DSCAML1: variants seen among roughly 807,000 people sequenced by gnomAD.
DSCAML1 encodes the protein DS cell adhesion molecule like 1.
In DSCAML1, 38 loss-of-function variants were observed where a neutral mutation model predicts 200.5. That is an observed-to-expected ratio of 0.19 (90% CI 0.15 to 0.25). The LOEUF (loss-of-function observed/expected upper bound fraction) is 0.25, where lower values mean the gene tolerates loss of function less well. DSCAML1 is among the 10% of genes least tolerant of loss of function. The probability of loss-of-function intolerance (pLI) is 1.00; values close to 1 mark genes in which losing one functional copy is unlikely to be tolerated. For missense variants in DSCAML1, 2,223 were observed against 2,858.8 expected, an observed-to-expected ratio of 0.78 and a Z score of 5.07; for synonymous variants, 1,215 against 1,165.0, an observed-to-expected ratio of 1.04 and a Z score of -0.87.
chr11:117,811,856 C>G (rs1167879393), intron 1 of DSCAML1, among the ~76,000 whole-genome samples: 1 of 152,172 alleles, frequency 6.6e-6, no homozygotes, highest in Non-Finnish European at 1.5e-5. Flanking sequence ...AATACGGAGG[C>G]TACCCACTCC....
intron 3 of DSCAML1, among the ~76,000 whole-genome samples, chr11:117,758,527 G>A (rs1173717528): frequency 7.9e-5 from 12 of 151,506 alleles, no homozygotes; most frequent in African/African-American, 1.7e-4. Context: ...TCAGCCTCCC[G>A]AGTAGCTGGG....
At chr11:117,582,992 ATATTAT>A (rs6144528) in intron 3 of DSCAML1, among the ~76,000 whole-genome samples, 8 of 145,152 alleles carry the variant, frequency 5.5e-5, no homozygotes, top group Non-Finnish European at 1.1e-4. Context: ...GGAGACAGGG[ATATTAT>A]TATTATTATT....
intron 19 of DSCAML1, among the ~76,000 whole-genome samples, chr11:117,457,782 C>T (rs906326578): frequency 3.9e-5 from 6 of 152,172 alleles, no homozygotes; most frequent in Non-Finnish European, 5.9e-5. Flanking sequence ...ATGTCAAACC[C>T]TTCCAGTGCC....
chr11:117,792,815 C>T (rs185057094), intron 1 of DSCAML1, among the ~76,000 whole-genome samples: 2 of 152,334 alleles, frequency 1.3e-5, no homozygotes, highest in African/African-American at 2.4e-5. Context: ...CAACCCACAT[C>T]CCAAGTTTGG....
rs756292633 is a variant in DSCAML1, at chr11:117,437,164, C to T, written c.4678G>A (p.Gly1560Ser). The change falls in exon 26 of 33, where the codon GGC (glycine) becomes AGC (serine). Residue 1560 changes from glycine to serine, a missense_variant. Gly to Ser is a moderately conservative substitution (Grantham distance 56). This residue lies in a region of DSCAML1 where 614 missense variants were observed against 739.1 expected (regional missense o/e 0.83). Coordinates refer to ENST00000651296, the MANE Select transcript of DSCAML1 (RefSeq NM_020693.4). This position sits in a 1 kb window ranked among gnomAD's most constrained non-coding sequence, Gnocchi z 5.3. ...GTGGCGAACTGGGCTGTTTCATTGC[C>T]GCAGCCCGCACTGTTGCAAGCCCTC... is the stretch of plus-strand genomic sequence containing the variant. ...RMRACNSAGC[G>S]NETAQFATLD... 2.6e-5 allele frequency: 42 copies of T among 1,613,994 alleles called. No individual in the cohort carries two copies. The highest frequency in any genetic ancestry group is 3.3e-5 in the Admixed American group (2 of 60,000).
rs1402573172 is a variant in DSCAML1, at chr11:117,439,483, G to A, written c.3981-54C>T. ...GTCATGTCAAGCACCCCTTCCTCCT[G>A]AGGCCCTCCCCCCGGTGTGTGACAA... On this transcript the variant is annotated intron_variant, in intron 22 of 32. Coordinates refer to ENST00000651296, the MANE Select transcript of DSCAML1 (RefSeq NM_020693.4). 1.9e-6 allele frequency: 3 copies of A among 1,580,074 alleles called. No homozygotes were observed. In the African/African-American group the frequency reaches 4.0e-5, roughly 21 times the overall value.
intron 4 of DSCAML1, among the ~76,000 whole-genome samples, chr11:117,529,829 G>C (rs111491366): frequency 9.9e-5 from 15 of 151,994 alleles, no homozygotes; most frequent in Middle Eastern, 3.2e-3. Context: ...GGGGAGGGGC[G>C]GGTGAGCCTG....
chr11:117,688,730 G>A (rs745972494), intron 3 of DSCAML1, among the ~76,000 whole-genome samples: 5 of 152,324 alleles, frequency 3.3e-5, no homozygotes, highest in Non-Finnish European at 5.9e-5. Flanking sequence ...AAGATACTTC[G>A]AAGAGGCTGA....
At chr11:117,439,125 C>T in intron 23 of DSCAML1, 141 bp downstream of exon 23, 1 of 1,367,292 alleles carries the variant, frequency 7.3e-7, no homozygotes, top group South Asian at 1.4e-5. Flanking sequence ...CCTCCCCTTC[C>T]ATGTGCACCT....
rs146626485 is a variant in DSCAML1 at position 117,749,845 on chromosome 11, T to C, written c.511+26946A>G. On this transcript the variant is annotated intron_variant, in intron 3 of 32. Transcript: ENST00000651296. Reference sequence around the variant, plus strand: ...AGCGGGGAGAGCTGGGAGCGGGACCTGTGTTAGAACAGACAACCTCCAGCC... The same window carrying C: ...AGCGGGGAGAGCTGGGAGCGGGACCCGTGTTAGAACAGACAACCTCCAGCC... 4.5e-3 allele frequency among the ~76,000 whole-genome samples: 680 copies of C among 152,370 alleles called. 4 individuals are homozygous for C. Among genetic ancestry groups the C allele is most frequent in the Non-Finnish European group, 8.2e-3 (561 of 68,032 alleles).
chr11:117,451,391 C>A (rs1168962493), intron 19 of DSCAML1, among the ~76,000 whole-genome samples: 3 of 152,182 alleles, frequency 2.0e-5, no homozygotes, highest in Non-Finnish European at 4.4e-5. Context: ...TACTTGTTTC[C>A]TTTCTAGAAA....
In DSCAML1 at chr11:117,476,913, G is replaced by A. The variant is rs189804512; in HGVS notation, c.2785+3530C>T. On this transcript the variant is annotated intron_variant, in intron 14 of 32. Coordinates refer to ENST00000651296, the MANE Select transcript of DSCAML1 (RefSeq NM_020693.4). ...CAGGATGGGTGTGGCCTGGGGCAGC[G>A]GGAAGTGGAGAAGGGAAGCAGAGAC... 2.7e-3 allele frequency among the ~76,000 whole-genome samples: 412 copies of A among 152,250 alleles called. 2 individuals carry two copies. The highest frequency in any genetic ancestry group is 2.9e-3 in the Non-Finnish European group (200 of 68,026).
At position 117,736,917 on chromosome 11, in the gene DSCAML1, G is replaced by A. The variant is rs564298979; in HGVS notation, c.511+39874C>T. Among the ~76,000 whole-genome samples, 8 of 152,180 alleles carry A rather than the reference G, an allele frequency of 5.3e-5. No individual in the cohort carries two copies. In the South Asian group the frequency reaches 1.2e-3, roughly 24 times the overall value. On this transcript the variant is annotated intron_variant, in intron 3 of 32. Coordinates refer to ENST00000651296, the MANE Select transcript of DSCAML1 (RefSeq NM_020693.4). ...GTGGGCAAGTTCTTTCTCATCCTTC[G>A]GCTCCCAGTTTCTGCTCTGTGAAGT...
rs542995387 is a variant in DSCAML1 at position 117,694,396 on chromosome 11, A to T, written c.511+82395T>A. On this transcript the variant is annotated intron_variant, in intron 3 of 32. Coordinates refer to ENST00000651296, the MANE Select transcript of DSCAML1 (RefSeq NM_020693.4). The stretch of plus-strand genomic sequence containing the variant: ...ACTCTAGCCTGGGCAACAGAGCTAG[A>T]CTCCATCTCAAAAGAAAAAAAAAAA... Among the ~76,000 whole-genome samples, 46 of 147,548 alleles carry T rather than the reference A, an allele frequency of 3.1e-4. No homozygotes were observed. In the East Asian group the frequency reaches 7.6e-3, roughly 24 times the overall value.
chr11:117,460,434 C>T (rs2048456618), intron 18 of DSCAML1, among the ~76,000 whole-genome samples: 1 of 151,972 alleles, frequency 6.6e-6, no homozygotes, highest in East Asian at 1.9e-4. Flanking sequence ...CCAAGGTCCT[C>T]CAGGAAAGAA....
chr11:117,675,317 A>T (rs956367046), intron 3 of DSCAML1, among the ~76,000 whole-genome samples: 1 of 152,136 alleles, frequency 6.6e-6, no homozygotes. Flanking sequence ...CAAGCCTGCC[A>T]GCCAGGATCT....
At position 117,653,759 on chromosome 11, in the gene DSCAML1, G is replaced by C. The variant is rs561976354; in HGVS notation, c.512-121237C>G. Among the ~76,000 whole-genome samples the C allele has an allele frequency of 7.9e-5, 12 of 152,296 alleles. No homozygotes were observed. The South Asian group carries it at 2.3e-3, about 29-fold the overall frequency. On this transcript the variant is annotated intron_variant, in intron 3 of 32. Transcript: ENST00000651296. ...TCCAAGAAAAAGCGTGCACAAGAAT[G>C]TTTATAGCAGCATTACTCACAATAG...
rs547119396 is a variant in DSCAML1, at chr11:117,469,557, C to T, written c.3024+353G>A. ...CTGATGTTAGAAAGGAGGAACTTGG[C>T]ACAAAATCAAACCTACTTCCAACCT... On this transcript the variant is annotated intron_variant, in intron 16 of 32. Coordinates refer to ENST00000651296, the MANE Select transcript of DSCAML1 (RefSeq NM_020693.4). This position sits in a 1 kb window ranked among gnomAD's most constrained non-coding sequence, Gnocchi z 4.1. Among the ~76,000 whole-genome samples, 1 of 152,232 alleles carries T rather than the reference C, an allele frequency of 6.6e-6. No individual in the cohort carries two copies. Among genetic ancestry groups the T allele is most frequent in the South Asian group, 2.1e-4 (1 of 4,810 alleles).
At chr11:117,755,483 G>A (rs142509996) in intron 3 of DSCAML1, among the ~76,000 whole-genome samples, 196 of 152,204 alleles carry the variant, frequency 1.3e-3, no homozygotes, top group African/African-American at 4.5e-3. Context: ...ACCCAGCCAA[G>A]AATCCATCCC....
Sources: gnomAD v4.1 joint callset for allele counts (sites outside exome capture counted in the v4.1 genomes callset) on GRCh38, gnomAD v4.1.1 for gene constraint, gnomAD v4.1.1 regional missense constraint, Gnocchi (gnomAD v3.1) non-coding constraint, MANE v1.5 for transcripts, NCBI Gene and HGNC (gene_info 2026-07-23, HGNC 2026-07-21) for gene names.